LRMDA: variants seen among roughly 807,000 people sequenced by gnomAD.
LRMDA encodes the protein leucine rich melanocyte differentiation associated, also known as leucine-rich melanocyte differentiation-associated protein.
Under a neutral mutation model 29.8 loss-of-function variants are expected in LRMDA, and 18 were observed. That is an observed-to-expected ratio of 0.60 (90% CI 0.42 to 0.90). The LOEUF (loss-of-function observed/expected upper bound fraction) is 0.90, where lower values mean the gene tolerates loss of function less well. Ranked by LOEUF, LRMDA falls within the 40% of genes least tolerant of loss-of-function variation. LRMDA has a pLI of 0.00. For synonymous variants in LRMDA, 125 were observed against 109.4 expected (o/e 1.14, Z -0.89); for missense variants, 273 against 273.9 (o/e 1.00, Z 0.02).
chr10:75,905,503 A>T (rs1203119505), intron 2 of LRMDA, among the ~76,000 whole-genome samples: 1 of 152,138 alleles, frequency 6.6e-6, no homozygotes, highest in Non-Finnish European at 1.5e-5. Context: ...TTTGATCTTT[A>T]AAAATTATAT....
chr10:76,147,437 A>G (rs990197873), intron 5 of LRMDA, among the ~76,000 whole-genome samples: 5 of 151,854 alleles, frequency 3.3e-5, no homozygotes, highest in African/African-American at 7.3e-5. Flanking sequence ...CATTCATTTC[A>G]TCTTCCATCA....
At chr10:75,504,315 C>T (rs77868262) in intron 2 of LRMDA, among the ~76,000 whole-genome samples, 1 of 151,942 alleles carries the variant, frequency 6.6e-6, no homozygotes, top group Non-Finnish European at 1.5e-5. Context: ...CCTCTATGTG[C>T]CATGCATTAT....
intron 5 of LRMDA, among the ~76,000 whole-genome samples, chr10:76,319,903 G>A (rs945887773): frequency 1.3e-5 from 2 of 152,160 alleles, no homozygotes; most frequent in Non-Finnish European, 2.9e-5. Flanking sequence ...AACAGTGGGA[G>A]ATTTATGGCT....
chr10:75,950,746 C>T (rs2132419612), intron 2 of LRMDA, among the ~76,000 whole-genome samples: 1 of 152,310 alleles, frequency 6.6e-6, no homozygotes, highest in Admixed American at 6.5e-5. Flanking sequence ...ATTCTTCCTC[C>T]CTATCACCTG....
intron 6 of LRMDA, among the ~76,000 whole-genome samples, chr10:76,365,085 C>CATATATAT (rs554375602): frequency 5.7e-5 from 4 of 69,760 alleles, no homozygotes; most frequent in Non-Finnish European, 6.9e-5. Flanking sequence ...CACACACACA[C>CATATATAT]ATATATATAT....
intron 2 of LRMDA, among the ~76,000 whole-genome samples, chr10:75,611,426 A>G (rs1047477354): frequency 6.6e-6 from 1 of 152,138 alleles, no homozygotes; most frequent in African/African-American, 2.4e-5. Flanking sequence ...CCGCATTCAC[A>G]TTGCTGTGTA....
intron 2 of LRMDA, among the ~76,000 whole-genome samples, chr10:75,479,186 C>T (rs1337885499): frequency 6.6e-6 from 1 of 152,096 alleles, no homozygotes; most frequent in Non-Finnish European, 1.5e-5. Flanking sequence ...TTAGGGAAAG[C>T]TTAGGCTGCT....
At chr10:75,998,209 G>A (rs1364662198) in intron 2 of LRMDA, among the ~76,000 whole-genome samples, 1 of 152,168 alleles carries the variant, frequency 6.6e-6, no homozygotes, top group East Asian at 1.9e-4. Flanking sequence ...CTAGTCTGCT[G>A]CCTCAGTGGA....
At chr10:75,969,479 A>G (rs1475442874) in intron 2 of LRMDA, among the ~76,000 whole-genome samples, 1 of 152,236 alleles carries the variant, frequency 6.6e-6, no homozygotes. Context: ...CCCCACTGGC[A>G]TGTACACCTG....
intron 2 of LRMDA, among the ~76,000 whole-genome samples, chr10:75,809,010 T>C (rs1029961084): frequency 6.6e-6 from 1 of 152,176 alleles, no homozygotes. Flanking sequence ...TTTGTGCCTC[T>C]ATGGAGGCTG....
intron 6 of LRMDA, among the ~76,000 whole-genome samples, chr10:76,341,932 G>C (rs189452469): frequency 1.3e-5 from 2 of 152,098 alleles, no homozygotes; most frequent in African/African-American, 4.8e-5. Context: ...TGTTCATTAC[G>C]GTAGTTACAA....
intron 2 of LRMDA, among the ~76,000 whole-genome samples, chr10:75,772,888 C>A: frequency 6.7e-6 from 1 of 149,720 alleles, no homozygotes; most frequent in Non-Finnish European, 1.5e-5. Flanking sequence ...GCAGATTAAT[C>A]AGGGATGTAT....
chr10:76,041,824 C>T (rs1848345498), intron 3 of LRMDA, among the ~76,000 whole-genome samples: 1 of 152,128 alleles, frequency 6.6e-6, no homozygotes, highest in Non-Finnish European at 1.5e-5. Flanking sequence ...ACGCTAAGTA[C>T]CCCGGAGAAG....
At chr10:75,755,039 T>C (rs1026229649) in intron 2 of LRMDA, among the ~76,000 whole-genome samples, 1 of 150,460 alleles carries the variant, frequency 6.6e-6, no homozygotes, top group Non-Finnish European at 1.5e-5. Flanking sequence ...GAAAAGTTTT[T>C]TGGTTTTTTT....
At chr10:75,592,336 T>C (rs940761598) in intron 2 of LRMDA, among the ~76,000 whole-genome samples, 1 of 152,176 alleles carries the variant, frequency 6.6e-6, no homozygotes, top group African/African-American at 2.4e-5. Context: ...GTTTGTCTGT[T>C]TGTGTTTTTT....
intron 2 of LRMDA, among the ~76,000 whole-genome samples, chr10:75,560,995 CT>C (rs1277733356): frequency 6.7e-6 from 1 of 149,954 alleles, no homozygotes; most frequent in Non-Finnish European, 1.5e-5. Flanking sequence ...CTAAAATTCT[CT>C]TTTTTGGTTG....
intron 4 of LRMDA, among the ~76,000 whole-genome samples, chr10:76,055,003 G>A (rs1848586204): frequency 7.3e-6 from 1 of 137,232 alleles, no homozygotes; most frequent in African/African-American, 2.8e-5. Flanking sequence ...GGCAGAGGTT[G>A]CAGTGAGCAG....
chr10:75,632,915 C>T (rs1327242534), intron 2 of LRMDA, among the ~76,000 whole-genome samples: 1 of 143,046 alleles, frequency 7.0e-6, no homozygotes, highest in Non-Finnish European at 1.5e-5. Context: ...AGGATTTTCT[C>T]GACAACTCCA....
chr10:76,229,236 G>T (rs112733860), intron 5 of LRMDA, among the ~76,000 whole-genome samples: 1 of 152,258 alleles, frequency 6.6e-6, no homozygotes, highest in Non-Finnish European at 1.5e-5. Flanking sequence ...CAGGAGAAAA[G>T]GTACATAAAT....
Sources: allele counts gnomAD v4.1 joint callset (sites outside exome capture counted in the v4.1 genomes callset), GRCh38; gene constraint gnomAD v4.1.1; transcripts MANE v1.5; gene names NCBI Gene and HGNC (gene_info 2026-07-23, HGNC 2026-07-21).